Variants in RPS6KA6 observed in about 807,000 individuals in gnomAD.
RPS6KA6 encodes the protein ribosomal protein S6 kinase alpha-6.
Under a neutral mutation model 65.4 loss-of-function variants are expected in RPS6KA6, and 27 were observed. The observed-to-expected ratio is 0.41, with a 90% CI of 0.30 to 0.57. The LOEUF (loss-of-function observed/expected upper bound fraction) is 0.57. Among genes scored for constraint, RPS6KA6 ranks in the 20% least tolerant of loss-of-function variants. The pLI, the probability that RPS6KA6 is intolerant of heterozygous loss-of-function variation, is 0.24. For synonymous variants in RPS6KA6, 190 were observed against 184.2 expected (o/e 1.03, Z -0.26); for missense variants, 486 against 555.6 (o/e 0.87, Z 1.26).
intron 5 of RPS6KA6, among the ~76,000 whole-genome samples, chrX:84,146,106 T>A (rs2035194433): frequency 9.0e-6 from 1 of 111,690 alleles, no homozygotes; most frequent in Non-Finnish European, 1.9e-5. Flanking sequence ...TCAAAAAGTG[T>A]TTCACTTCTA....
chrX:84,116,549 T>C (rs1326409039), intron 11 of RPS6KA6, among the ~76,000 whole-genome samples: 1 of 111,134 alleles, frequency 9.0e-6, no homozygotes, highest in East Asian at 2.8e-4. Flanking sequence ...TAAACTTAAA[T>C]ACATATTTTT....
chrX:84,142,239 T>C (rs982336374), intron 6 of RPS6KA6, among the ~76,000 whole-genome samples: 1 of 111,313 alleles, frequency 9.0e-6, no homozygotes, highest in East Asian at 2.8e-4. Context: ...TGCCCAAATA[T>C]TTGTAAATTA....
intron 6 of RPS6KA6, among the ~76,000 whole-genome samples, chrX:84,140,707 C>T (rs375225631): frequency 6.5e-5 from 5 of 76,645 alleles, no homozygotes; most frequent in African/African-American, 2.0e-4. Context: ...GCACTCCAGC[C>T]GGGGCAATAG....
chrX:84,156,587 C>T (rs2035420126), intron 2 of RPS6KA6, among the ~76,000 whole-genome samples: 1 of 111,281 alleles, frequency 9.0e-6, no homozygotes, highest in Non-Finnish European at 1.9e-5. Flanking sequence ...ACCTCAAGAG[C>T]TTTTTTAAAT....
In RPS6KA6 at chrX:84,150,164, T is replaced by C. The variant is rs142673503; in HGVS notation, c.259-2041A>G. ...CTCACCTCTCTCAGCCTTCACAGAATTAAAGAGAGCTAGGGAATTGCTCTA... is the reference window on the plus strand; with the variant it reads ...CTCACCTCTCTCAGCCTTCACAGAACTAAAGAGAGCTAGGGAATTGCTCTA... On this transcript the variant is annotated intron_variant, in intron 3 of 21. Transcript: ENST00000262752. Among the ~76,000 whole-genome samples, 672 of 112,011 alleles carry C rather than the reference T, an allele frequency of 6.0e-3. 1 individual carries two copies. Among genetic ancestry groups the C allele is most frequent in the Non-Finnish European group, 0.011 (588 of 53,154 alleles).
At chrX:84,184,831 A>AG (rs2147658950) in intron 1 of RPS6KA6, among the ~76,000 whole-genome samples, 1 of 98,576 alleles carries the variant, frequency 1.0e-5, no homozygotes, top group East Asian at 3.0e-4. Flanking sequence ...CCCTGACTCA[A>AG]AAAAAAAAAA....
At chrX:84,090,437 T>G (rs2034020577) in intron 20 of RPS6KA6, among the ~76,000 whole-genome samples, 1 of 111,691 alleles carries the variant, frequency 9.0e-6, no homozygotes, top group Admixed American at 9.6e-5. Context: ...AACTGCTCTG[T>G]AGTACAGATC....
At chrX:84,103,411 T>A (rs2021564011) in intron 17 of RPS6KA6, among the ~76,000 whole-genome samples, 1 of 111,127 alleles carries the variant, frequency 9.0e-6, no homozygotes, top group African/African-American at 3.3e-5. Context: ...AATTCCCCCA[T>A]GTGATAAGTT....
At chrX:84,110,472 G>A (rs2034448909) in intron 12 of RPS6KA6, among the ~76,000 whole-genome samples, 1 of 112,095 alleles carries the variant, frequency 8.9e-6, no homozygotes, top group African/African-American at 3.2e-5. Flanking sequence ...AAACAACATA[G>A]AGCACCACAC....
intron 3 of RPS6KA6, among the ~76,000 whole-genome samples, chrX:84,153,969 C>T (rs1337591191): frequency 9.0e-6 from 1 of 111,673 alleles, no homozygotes; most frequent in Non-Finnish European, 1.9e-5. Flanking sequence ...TTAAGCACTA[C>T]ATTGACAACT....
At chrX:84,135,473 T>C (rs1327940644) in intron 6 of RPS6KA6, among the ~76,000 whole-genome samples, 3 of 111,755 alleles carry the variant, frequency 2.7e-5, no homozygotes, top group African/African-American at 6.5e-5. Flanking sequence ...ATGTTGTTTG[T>C]ATATCTTCTC....
chrX:84,135,746 C>T (rs960671446), intron 6 of RPS6KA6, among the ~76,000 whole-genome samples: 21 of 111,275 alleles, frequency 1.9e-4, no homozygotes, highest in African/African-American at 6.8e-4. Context: ...AAATTAGTAC[C>T]CTTATCTTAC....
Position 84,105,839 on chromosome X carries a change from A to G in RPS6KA6, c.1403T>C (p.Ile468Thr), listed in dbSNP as rs1331773864. The G allele has an allele frequency of 1.7e-6, 2 of 1,178,020 alleles. No individual in the cohort carries two copies. The highest frequency in any genetic ancestry group is 1.9e-5 in the South Asian group (1 of 53,346). Residue 468 changes from isoleucine to threonine, a missense_variant, in exon 16 of 22, where the codon ATT becomes ACT. Ile to Thr is a moderately conservative substitution (Grantham distance 89). Transcript: ENST00000262752. The part of the protein sequence containing the change: ...DKSKRDPSEE[I>T]EILMRYGQHP... ...TTGTCCATAGCGCATCAATATTTCAATCTCTTCTGAAGGGTCTCGCTTACT... is the reference window on the plus strand; with the variant it reads ...TTGTCCATAGCGCATCAATATTTCAGTCTCTTCTGAAGGGTCTCGCTTACT...
intron 12 of RPS6KA6, among the ~76,000 whole-genome samples, chrX:84,113,802 T>G (rs2034514508): frequency 9.0e-6 from 1 of 110,979 alleles, no homozygotes; most frequent in African/African-American, 3.3e-5. Context: ...GAAAAAGAAA[T>G]AAAATACATC....
At chrX:84,134,850 G>A (rs766542113) in intron 7 of RPS6KA6, 31 bp from the exon 8 acceptor site, 18 of 1,011,593 alleles carry the variant, frequency 1.8e-5, no homozygotes, top group Non-Finnish European at 2.4e-5. Context: ...TCAACAAGAT[G>A]GAATAAAATA....
chrX:84,144,993 T>C (rs180984206), intron 6 of RPS6KA6, among the ~76,000 whole-genome samples: 32 of 110,835 alleles, frequency 2.9e-4, no homozygotes, highest in African/African-American at 1.0e-3. Flanking sequence ...GCAGATTCAG[T>C]AGGGTTAGGG....
chrX:84,107,768 A>T (rs996904266), intron 12 of RPS6KA6, 43 bp from the exon 13 acceptor site: 4 of 684,091 alleles, frequency 5.8e-6, no homozygotes, highest in Middle Eastern at 3.2e-4. Context: ...TTAAGACTTT[A>T]AAAATTATTA....
At position 84,131,476 on chromosome X, in the gene RPS6KA6, T is replaced by C. The variant is rs1383337863; in HGVS notation, c.646+3306A>G. Among the ~76,000 whole-genome samples, 10 of 112,361 alleles carry C rather than the reference T, an allele frequency of 8.9e-5. No homozygotes were observed. The Admixed American group carries it at 9.5e-4, about 11-fold the overall frequency. ...CACATTCCATTTACAAAAGTAAATA[T>C]AATTAACATCTAGTCTTCGAGGTCA... is the stretch of plus-strand genomic sequence containing the variant. On this transcript the variant is annotated intron_variant, in intron 8 of 21. Coordinates refer to ENST00000262752, the MANE Select transcript of RPS6KA6 (RefSeq NM_014496.5).
At chrX:84,067,858 C>A (rs1436593177) in intron 20 of RPS6KA6, among the ~76,000 whole-genome samples, 1 of 111,583 alleles carries the variant, frequency 9.0e-6, no homozygotes, top group Non-Finnish European at 1.9e-5. Flanking sequence ...ATGTTAAGGG[C>A]AGCCAGAGAG....
Sources: gnomAD v4.1 joint callset for allele counts (sites outside exome capture counted in the v4.1 genomes callset) on GRCh38, gnomAD v4.1.1 for gene constraint, MANE v1.5 for transcripts, NCBI Gene and HGNC (gene_info 2026-07-23, HGNC 2026-07-21) for gene names.